Variants in AFF2 observed in about 807,000 individuals in gnomAD.
AFF2 encodes the protein AF4/FMR2 family member 2.
A neutral mutation model predicts 76.9 loss-of-function variants in AFF2; 14 were observed. The ratio of observed to expected loss-of-function variants is 0.18; its 90% CI spans 0.12 to 0.28. The LOEUF (loss-of-function observed/expected upper bound fraction) is 0.28. Among genes scored for constraint, AFF2 ranks in the 10% least tolerant of loss-of-function variants. The probability of loss-of-function intolerance (pLI) is 1.00; values close to 1 mark genes in which losing one functional copy is unlikely to be tolerated. For missense variants in AFF2, 868 were observed against 1,001.1 expected (o/e 0.87, Z 1.79); for synonymous variants, 398 against 366.7 (o/e 1.09, Z -0.98).
rs182189417 is a variant in AFF2, at chrX:148,713,774, A to T, written c.1041+51006A>T. Among the ~76,000 whole-genome samples, 618 of 111,539 alleles carry T rather than the reference A, an allele frequency of 5.5e-3. 4 individuals are homozygous for T. The highest frequency in any genetic ancestry group is 0.019 in the African/African-American group (583 of 30,750). On this transcript the variant is annotated intron_variant, in intron 3 of 20. Transcript: ENST00000370460. The stretch of plus-strand genomic sequence containing the variant: ...AGATTGGGAAGAAAGCAGGAAGAGG[A>T]TTGAAAAATTGGCCTCCTCAGAAAT...
chrX:148,672,397 G>A (rs781995148), intron 3 of AFF2, among the ~76,000 whole-genome samples: 3 of 111,902 alleles, frequency 2.7e-5, no homozygotes, highest in East Asian at 5.6e-4. Context: ...ACTTAGTCTC[G>A]GAGAGGCTAA....
At chrX:148,820,704 AT>A in intron 4 of AFF2, among the ~76,000 whole-genome samples, 1 of 111,594 alleles carries the variant, frequency 9.0e-6, no homozygotes, top group South Asian at 3.7e-4. Flanking sequence ...TCTTTTTTAT[AT>A]TTTCTCAATT....
At chrX:148,742,837 A>C (rs1267322063) in intron 3 of AFF2, among the ~76,000 whole-genome samples, 1 of 112,164 alleles carries the variant, frequency 8.9e-6, no homozygotes, top group Non-Finnish European at 1.9e-5. Flanking sequence ...ATCTTTCTGC[A>C]ATCACTCAAG....
At chrX:148,852,723 C>A (rs1557275512) in intron 7 of AFF2, among the ~76,000 whole-genome samples, 1 of 111,528 alleles carries the variant, frequency 9.0e-6, no homozygotes, top group Admixed American at 9.6e-5. Context: ...TCACAGCAAC[C>A]TCGTGAGATA....
chrX:148,762,448 GATAT>G (rs4038759), intron 3 of AFF2, among the ~76,000 whole-genome samples: 2 of 87,100 alleles, frequency 2.3e-5, no homozygotes, highest in Admixed American at 2.5e-4. Context: ...TATGCTTAGT[GATAT>G]ATATATATTA....
At chrX:148,803,938 C>G (rs1202932415) in intron 3 of AFF2, among the ~76,000 whole-genome samples, 1 of 111,171 alleles carries the variant, frequency 9.0e-6, no homozygotes, top group African/African-American at 3.3e-5. Flanking sequence ...GATGGAAAAG[C>G]AGCCTGAGAC....
chrX:148,866,355 A>G (rs2070906889), intron 7 of AFF2, among the ~76,000 whole-genome samples: 1 of 112,472 alleles, frequency 8.9e-6, no homozygotes, highest in Admixed American at 9.4e-5. Flanking sequence ...AAGCAGAAGC[A>G]AAAAGAAAAA....
intron 9 of AFF2, among the ~76,000 whole-genome samples, chrX:148,944,921 A>G (rs1557285970): frequency 9.0e-6 from 1 of 111,722 alleles, no homozygotes; most frequent in African/African-American, 3.3e-5. Flanking sequence ...TTGGTGCTAC[A>G]TCTCCGTATT....
intron 3 of AFF2, among the ~76,000 whole-genome samples, chrX:148,721,275 G>A (rs2055089741): frequency 8.9e-6 from 1 of 112,033 alleles, no homozygotes; most frequent in Non-Finnish European, 1.9e-5. Context: ...ACTTGAACCT[G>A]GCAGTGAAGA....
intron 1 of AFF2, among the ~76,000 whole-genome samples, chrX:148,649,110 C>G (rs1163069679): frequency 3.6e-5 from 4 of 111,668 alleles, no homozygotes; most frequent in Non-Finnish European, 1.9e-5. Context: ...AAAGATGTAT[C>G]AAATTATCAG....
intron 3 of AFF2, among the ~76,000 whole-genome samples, chrX:148,783,631 G>A (rs1293113782): frequency 9.0e-6 from 1 of 111,570 alleles, no homozygotes; most frequent in East Asian, 2.8e-4. Context: ...CACTACTGGA[G>A]CTCATTCTAG....
Position 148,935,396 on chromosome X carries a change from T to TACACACAC in AFF2, c.1398-18168_1398-18161dup, listed in dbSNP as rs3831670. On this transcript the variant is annotated intron_variant, in intron 9 of 20. Coordinates refer to ENST00000370460, the MANE Select transcript of AFF2 (RefSeq NM_002025.4). ...AGCTTAAACTTGTGTCATTTGAAAC[T>TACACACAC]ACACACACACACACACACACACATA... Among the ~76,000 whole-genome samples, 279 of 102,530 alleles carry TACACACAC rather than the reference T, an allele frequency of 2.7e-3. 1 individual carries two copies. The highest frequency in any genetic ancestry group is 4.1e-3 in the African/African-American group (117 of 28,767). The allele number at this position is 102,530 out of a possible 115,157, so 89.0% of individuals were successfully genotyped here. A position where few individuals can be genotyped will look rare whatever the true frequency, so the allele number is the denominator to read the frequency against.
At chrX:148,978,973 G>T (rs377626329) in intron 18 of AFF2, among the ~76,000 whole-genome samples, 4 of 111,858 alleles carry the variant, frequency 3.6e-5, no homozygotes, top group East Asian at 2.8e-4. Flanking sequence ...AAGCCATATC[G>T]TAGGGAGCTG....
chrX:148,504,729 C>T (rs2052389203), intron 1 of AFF2, among the ~76,000 whole-genome samples: 1 of 112,635 alleles, frequency 8.9e-6, no homozygotes, highest in African/African-American at 3.2e-5. Flanking sequence ...CTTGCGAGGG[C>T]GGGGCAGTGC....
At chrX:148,750,847 C>G in intron 3 of AFF2, among the ~76,000 whole-genome samples, 1 of 111,916 alleles carries the variant, frequency 8.9e-6, no homozygotes, top group African/African-American at 3.2e-5. Flanking sequence ...GTTCTTGTTA[C>G]TAGCATCCAC....
At chrX:148,961,476 G>A (rs1048614425) in intron 12 of AFF2, among the ~76,000 whole-genome samples, 1 of 112,221 alleles carries the variant, frequency 8.9e-6, no homozygotes, top group Non-Finnish European at 1.9e-5. Flanking sequence ...ATCAATTGAG[G>A]TAATGACAGA....
intron 7 of AFF2, among the ~76,000 whole-genome samples, chrX:148,860,533 G>A (rs191694255): frequency 3.4e-4 from 38 of 111,539 alleles, no homozygotes; most frequent in African/African-American, 1.2e-3. Flanking sequence ...AAAAGAGCTA[G>A]GGCTGAGCTG....
chrX:148,944,236 A>G (rs2071873832), intron 9 of AFF2, among the ~76,000 whole-genome samples: 1 of 111,918 alleles, frequency 8.9e-6, no homozygotes, highest in Non-Finnish European at 1.9e-5. Flanking sequence ...AACACAGTGG[A>G]GGAGATTCCT....
chrX:148,612,038 A>G (rs1391105529), intron 1 of AFF2, among the ~76,000 whole-genome samples: 1 of 111,698 alleles, frequency 9.0e-6, no homozygotes, highest in Non-Finnish European at 1.9e-5. Context: ...TGTGCTATTA[A>G]TCAGGCACTT....
Sources: gnomAD v4.1 joint callset for allele counts (sites outside exome capture counted in the v4.1 genomes callset) on GRCh38, gnomAD v4.1.1 for gene constraint, MANE v1.5 for transcripts, NCBI Gene and HGNC (gene_info 2026-07-23, HGNC 2026-07-21) for gene names.